PARD3: variants seen among roughly 807,000 people sequenced by gnomAD.
PARD3 encodes par-3 family cell polarity regulator.
A neutral mutation model predicts 155.4 loss-of-function variants in PARD3; 75 were observed. The observed-to-expected ratio is 0.48, with a 90% CI of 0.40 to 0.58. The LOEUF (loss-of-function observed/expected upper bound fraction) is 0.58. PARD3 is among the 20% of genes least tolerant of loss of function. The pLI is 0.00. For synonymous variants in PARD3, 576 were observed against 610.5 expected (o/e 0.94, Z 0.83); for missense variants, 1,642 against 1,721.7 (o/e 0.95, Z 0.82).
intron 2 of PARD3, among the ~76,000 whole-genome samples, chr10:34,630,442 T>C (rs1477451778): frequency 7.2e-6 from 1 of 139,844 alleles, no homozygotes; most frequent in African/African-American, 3.0e-5. Context: ...TCCCTCTCTC[T>C]CTTTTTTTTT....
At chr10:34,500,306 C>T (rs2080598702) in intron 3 of PARD3, among the ~76,000 whole-genome samples, 1 of 152,164 alleles carries the variant, frequency 6.6e-6, no homozygotes. Flanking sequence ...AGTAAATGCC[C>T]AAGAATGCAC....
At chr10:34,555,520 A>G (rs981512767) in intron 2 of PARD3, among the ~76,000 whole-genome samples, 4 of 152,248 alleles carry the variant, frequency 2.6e-5, no homozygotes, top group African/African-American at 9.6e-5. Flanking sequence ...AAACAAAAGA[A>G]GTACAGGATC....
chr10:34,585,765 A>T (rs908971561), intron 2 of PARD3, among the ~76,000 whole-genome samples: 2 of 152,188 alleles, frequency 1.3e-5, no homozygotes, highest in Admixed American at 1.3e-4. Context: ...AAAGGCTTAG[A>T]AAACTGAAAA....
intron 1 of PARD3, among the ~76,000 whole-genome samples, chr10:34,808,736 A>G (rs1843710623): frequency 6.6e-6 from 1 of 152,252 alleles, no homozygotes; most frequent in Admixed American, 6.5e-5. Context: ...CTCCCAGGAC[A>G]GACGGAGGAT....
chr10:34,363,506 T>G (rs1839662995), intron 12 of PARD3, among the ~76,000 whole-genome samples: 1 of 152,196 alleles, frequency 6.6e-6, no homozygotes, highest in Admixed American at 6.5e-5. Flanking sequence ...TAGAACTTAG[T>G]TCTCTGGCAG....
intron 2 of PARD3, among the ~76,000 whole-genome samples, chr10:34,681,025 CAGAAATATACAGCTGGTG>C (rs1428075904): frequency 6.6e-6 from 1 of 151,062 alleles, no homozygotes; most frequent in Admixed American, 6.6e-5. Context: ...CAGCCTACAC[CAGAAATATACAGCTGGTG>C]AATAATATAA....
intron 2 of PARD3, among the ~76,000 whole-genome samples, chr10:34,588,511 A>T (rs559312683): frequency 1.5e-3 from 226 of 152,338 alleles, no homozygotes; most frequent in African/African-American, 5.0e-3. Context: ...CCACCTGTAT[A>T]GGTCAAAACC....
chr10:34,481,726 T>C (rs1022206212), intron 3 of PARD3, among the ~76,000 whole-genome samples: 2 of 152,176 alleles, frequency 1.3e-5, no homozygotes, highest in African/African-American at 2.4e-5. Flanking sequence ...TAGACATCAT[T>C]ATCCTAGTGA....
chr10:34,648,643 C>A (rs182807617), intron 2 of PARD3, among the ~76,000 whole-genome samples: 3 of 152,176 alleles, frequency 2.0e-5, no homozygotes, highest in African/African-American at 7.2e-5. Context: ...ACCTGACAGG[C>A]GGCGGAGCTC....
At chr10:34,557,136 T>C (rs751042875) in intron 2 of PARD3, among the ~76,000 whole-genome samples, 2 of 152,126 alleles carry the variant, frequency 1.3e-5, no homozygotes, top group Non-Finnish European at 2.9e-5. Flanking sequence ...GACTCCATGA[T>C]CTCTTTTTCT....
At chr10:34,365,794 GTCAGGCTGGTCTGAAACTCCTGACC>G (rs2134557523) in intron 12 of PARD3, among the ~76,000 whole-genome samples, 1 of 152,162 alleles carries the variant, frequency 6.6e-6, no homozygotes, top group African/African-American at 2.4e-5. Context: ...CGCCATGTTG[GTCAGGCTGGTCTGAAACTCCTGACC>G]TCAGGTGACC....
At chr10:34,663,209 T>C (rs994853061) in intron 2 of PARD3, among the ~76,000 whole-genome samples, 3 of 152,128 alleles carry the variant, frequency 2.0e-5, no homozygotes, top group African/African-American at 7.2e-5. Context: ...ATGCCTGTAA[T>C]CCTAGCACTT....
chr10:34,202,240 T>C (rs12258546), intron 22 of PARD3, among the ~76,000 whole-genome samples: 16,484 of 152,136 alleles, frequency 0.11, 3,013 homozygotes, highest in African/African-American at 0.38. Flanking sequence ...ACCCGGCTAA[T>C]TTTTAAATCT....
chr10:34,445,021 C>T lies in PARD3; in HGVS notation c.714+5296G>A, dbSNP rs556005644. On this transcript the variant is annotated intron_variant, in intron 5 of 24. Transcript: ENST00000374788. ...CACACGACTAAAGGAAGATGGCCAT[C>T]AGTTCTACCCTGGTGTTCCCAAATT... is the stretch of plus-strand genomic sequence containing the variant. 2.0e-5 allele frequency among the ~76,000 whole-genome samples: 3 copies of T among 152,198 alleles called. No homozygotes were observed. The South Asian group carries it at 6.2e-4, about 32-fold the overall frequency.
At chr10:34,506,113 G>C (rs1440662561) in intron 3 of PARD3, among the ~76,000 whole-genome samples, 1 of 151,950 alleles carries the variant, frequency 6.6e-6, no homozygotes, top group African/African-American at 2.4e-5. Flanking sequence ...GCAACAGAGG[G>C]AGACTCCATC....
intron 1 of PARD3, among the ~76,000 whole-genome samples, chr10:34,784,084 G>A (rs956910507): frequency 1.9e-4 from 29 of 152,174 alleles, no homozygotes; most frequent in African/African-American, 5.1e-4. Context: ...GGTGATACAC[G>A]CCTGTAGTCC....
At chr10:34,575,516 A>C (rs1023191818) in intron 2 of PARD3, among the ~76,000 whole-genome samples, 1 of 152,178 alleles carries the variant, frequency 6.6e-6, no homozygotes, top group Non-Finnish European at 1.5e-5. Flanking sequence ...CTTCTGTGTA[A>C]TAAGAAACCC....
chr10:34,390,185 C>A (rs1842752250), intron 7 of PARD3, among the ~76,000 whole-genome samples: 2 of 152,114 alleles, frequency 1.3e-5, no homozygotes, highest in South Asian at 4.1e-4. Flanking sequence ...GTTTGTGAAG[C>A]TCAAATTGAC....
chr10:34,514,458 C>T (rs1024868310), intron 3 of PARD3, among the ~76,000 whole-genome samples: 1 of 152,090 alleles, frequency 6.6e-6, no homozygotes, highest in Non-Finnish European at 1.5e-5. Flanking sequence ...TCTGAATGAA[C>T]GTCATTAATG....
Sources: allele counts gnomAD v4.1 joint callset (sites outside exome capture counted in the v4.1 genomes callset), GRCh38; gene constraint gnomAD v4.1.1; transcripts MANE v1.5; gene names NCBI Gene and HGNC (gene_info 2026-07-23, HGNC 2026-07-21).